RTN4R: variants seen among roughly 807,000 people sequenced by gnomAD.
RTN4R encodes reticulon 4 receptor.
A neutral mutation model predicts 27.7 loss-of-function variants in RTN4R; 4 were observed. The ratio of observed to expected loss-of-function variants is 0.14; its 90% CI spans 0.07 to 0.33. The LOEUF (loss-of-function observed/expected upper bound fraction) is 0.33. Ranked by LOEUF, RTN4R falls within the 10% of genes least tolerant of loss-of-function variation. The pLI, the probability that RTN4R is intolerant of heterozygous loss-of-function variation, is 1.00. For missense variants in RTN4R, 554 were observed against 671.5 expected (o/e 0.83, Z 1.93); for synonymous variants, 290 against 305.6 (o/e 0.95, Z 0.53).
At chr22:20,243,476 G>A (rs533377458) in intron 1 of RTN4R, 44 of 533,608 alleles carry the variant, frequency 8.2e-5, no homozygotes, top group African/African-American at 5.9e-4. Flanking sequence ...CACAGAGCCC[G>A]CATTGCAGGA....
At chr22:20,253,009 G>T (rs1330952731) in intron 1 of RTN4R, among the ~76,000 whole-genome samples, 1 of 152,166 alleles carries the variant, frequency 6.6e-6, no homozygotes, top group Non-Finnish European at 1.5e-5. Flanking sequence ...CTCAGGTGAG[G>T]AGTCCAGGGA....
chr22:20,263,541 G>C (rs1166649495), intron 1 of RTN4R, among the ~76,000 whole-genome samples: 1 of 152,262 alleles, frequency 6.6e-6, no homozygotes, highest in African/African-American at 2.4e-5. Context: ...CCAGGGTGCT[G>C]ACTGGAGAGC....
intron 1 of RTN4R, among the ~76,000 whole-genome samples, chr22:20,260,936 G>C (rs1330648727): frequency 6.6e-6 from 1 of 151,950 alleles, no homozygotes; most frequent in Non-Finnish European, 1.5e-5. Context: ...GGACTCCACA[G>C]CTGCTAGCCC....
Position 20,263,498 on chromosome 22 carries a change from T to C in RTN4R, c.22+4573A>G, listed in dbSNP as rs943889876. Among the ~76,000 whole-genome samples, 16 of 152,352 alleles carry C rather than the reference T, an allele frequency of 1.1e-4. 2 individuals carry two copies. The highest frequency in any genetic ancestry group is 5.2e-4 in the Admixed American group (8 of 15,312). The stretch of plus-strand genomic sequence containing the variant: ...AACATTCCAAAGAATTTCAACTCCA[T>C]GGACCGTGACCCGTGACAGCCAGCT... On this transcript the variant is annotated intron_variant, in intron 1 of 1. Transcript: ENST00000043402.
chr22:20,257,810 C>T (rs1159024266), intron 1 of RTN4R, among the ~76,000 whole-genome samples: 3 of 152,120 alleles, frequency 2.0e-5, no homozygotes, highest in Admixed American at 1.3e-4. Flanking sequence ...TGGGTGAGTC[C>T]GTCTTGCAGG....
chr22:20,251,976 C>T (rs113082256), intron 1 of RTN4R, among the ~76,000 whole-genome samples: 18 of 6,880 alleles, frequency 2.6e-3, no homozygotes, highest in East Asian at 4.9e-3. Context: ...ATCACTATCA[C>T]CATCACCATC....
chr22:20,265,340 T>C (rs1304725195), intron 1 of RTN4R, among the ~76,000 whole-genome samples: 2 of 152,066 alleles, frequency 1.3e-5, no homozygotes, highest in East Asian at 1.9e-4. Flanking sequence ...GTGGGCCAGT[T>C]CCCAGCCTCC....
At chr22:20,250,082 G>A (rs1004165809) in intron 1 of RTN4R, among the ~76,000 whole-genome samples, 1 of 152,224 alleles carries the variant, frequency 6.6e-6, no homozygotes, top group Admixed American at 6.5e-5. Context: ...CTCCCCAGGG[G>A]ATGAGGAATC....
At chr22:20,249,208 G>A (rs767379785) in intron 1 of RTN4R, 6 of 533,952 alleles carry the variant, frequency 1.1e-5, no homozygotes, top group Admixed American at 3.9e-5. Flanking sequence ...GTCCCCAGAG[G>A]ACACTAATGA....
intron 1 of RTN4R, among the ~76,000 whole-genome samples, chr22:20,259,122 G>T (rs2051229564): frequency 6.6e-6 from 1 of 152,096 alleles, no homozygotes; most frequent in Non-Finnish European, 1.5e-5. Flanking sequence ...ACAGGCCAAG[G>T]CATAGGGGAG....
chr22:20,247,249 A>C (rs995223470), intron 1 of RTN4R, among the ~76,000 whole-genome samples: 2 of 152,270 alleles, frequency 1.3e-5, no homozygotes, highest in Admixed American at 1.3e-4. Flanking sequence ...CCGGGACATC[A>C]GTCAGCTCAG....
Position 20,268,284 on chromosome 22 carries a change from G to T in RTN4R, c.-192C>A. 1 of 149,544 alleles carries T rather than the reference G, an allele frequency of 6.7e-6. No individual in the cohort carries two copies. The highest frequency in any genetic ancestry group is 1.8e-4 in the South Asian group (1 of 5,574). The allele number at this position is 149,544 out of a possible 1,614,324, so 9.3% of individuals were successfully genotyped here. A position where few individuals can be genotyped will look rare whatever the true frequency, so the allele number is the denominator to read the frequency against. On this transcript the variant is annotated 5_prime_UTR_variant, in exon 1 of 2. The change creates a new upstream start codon in the 5' untranslated region. Coordinates refer to ENST00000043402, the MANE Select transcript of RTN4R (RefSeq NM_023004.6). ...GGGCCGCGGGTGCGCAGGGCGCGCA[G>T]GGCGCACAGGGCGAGGGCGGCGGCG...
chr22:20,261,853 G>A (rs2051249388), intron 1 of RTN4R, among the ~76,000 whole-genome samples: 1 of 152,246 alleles, frequency 6.6e-6, no homozygotes, highest in Non-Finnish European at 1.5e-5. Context: ...GGGCTTCCCT[G>A]GTGAGGATGG....
chr22:20,243,541 A>C, intron 1 of RTN4R: 1 of 469,770 alleles, frequency 2.1e-6, no homozygotes, highest in Non-Finnish European at 4.4e-6. Context: ...AAACACTGCA[A>C]TGGGGCTGGG....
At chr22:20,260,610 G>C (rs2051240296) in intron 1 of RTN4R, among the ~76,000 whole-genome samples, 1 of 152,282 alleles carries the variant, frequency 6.6e-6, no homozygotes, top group South Asian at 2.1e-4. Context: ...TAGGTGGAAG[G>C]GGCTTCTGGG....
At chr22:20,247,041 C>T (rs1375478398) in intron 1 of RTN4R, among the ~76,000 whole-genome samples, 1 of 152,180 alleles carries the variant, frequency 6.6e-6, no homozygotes, top group African/African-American at 2.4e-5. Flanking sequence ...AGCAGGAAGG[C>T]TGGCGGCCTG....
intron 1 of RTN4R, among the ~76,000 whole-genome samples, chr22:20,264,717 G>A (rs766382776): frequency 3.3e-5 from 5 of 152,206 alleles, no homozygotes; most frequent in Admixed American, 2.0e-4. Context: ...AGAGGGACCC[G>A]AGAGGGCATC....
chr22:20,243,234 T>C, intron 1 of RTN4R, 124 bp from the exon 2 acceptor site: 1 of 894,686 alleles, frequency 1.1e-6, no homozygotes, highest in Non-Finnish European at 1.7e-6. Flanking sequence ...GGGTCCAAGA[T>C]GTGGCCACCA....
In RTN4R at chr22:20,241,857, G is replaced by A. The variant is rs1042604998; in HGVS notation, c.1276C>T (p.Arg426Cys). 5 of 1,609,704 alleles carry A rather than the reference G, an allele frequency of 3.1e-6. No individual in the cohort carries two copies. The highest frequency in any genetic ancestry group is 1.3e-5 in the African/African-American group (1 of 75,012). ...GCCTGGCCCAGACGGCAGTGGCTGC[G>A]GGTGCGGTTCTTGCGTGAACAGCCT... ...RPGCSRKNRT[R>C]SHCRLGQAGS... The change falls in exon 2 of 2, where the codon CGC becomes TGC. Residue 426 changes from arginine (R) to cysteine (C), a missense_variant. Arg to Cys is a radical substitution (Grantham distance 180). Transcript: ENST00000043402.
Sources: allele counts gnomAD v4.1 joint callset (sites outside exome capture counted in the v4.1 genomes callset), GRCh38; gene constraint gnomAD v4.1.1; transcripts MANE v1.5; gene names NCBI Gene and HGNC (gene_info 2026-07-23, HGNC 2026-07-21).